The following SLC35F1 variants were observed in gnomAD, a reference collection of about 807,000 sequenced individuals.
The protein encoded by SLC35F1 is chromosome 6 open reading frame 169.
In SLC35F1, 14 loss-of-function variants were observed where a neutral mutation model predicts 48.7. The ratio of observed to expected loss-of-function variants is 0.29; its 90% CI spans 0.19 to 0.45. The LOEUF (loss-of-function observed/expected upper bound fraction) is 0.45. Ranked by LOEUF, SLC35F1 falls within the 20% of genes least tolerant of loss-of-function variation. SLC35F1 has a pLI of 1.00. For synonymous variants in SLC35F1, 190 were observed against 202.2 expected (o/e 0.94, Z 0.51); for missense variants, 404 against 500.0 (o/e 0.81, Z 1.83).
At chr6:118,020,328 T>A (rs970431797) in intron 1 of SLC35F1, among the ~76,000 whole-genome samples, 4 of 152,212 alleles carry the variant, frequency 2.6e-5, no homozygotes, top group African/African-American at 9.6e-5. Context: ...CATACTGTGC[T>A]GTACTTATTA....
chr6:118,243,196 T>C (rs1473873654), intron 3 of SLC35F1, among the ~76,000 whole-genome samples: 2 of 152,230 alleles, frequency 1.3e-5, no homozygotes, highest in Non-Finnish European at 2.9e-5. Flanking sequence ...TCTTAATTAA[T>C]TTCCGTAGGC....
chr6:118,014,095 C>G (rs1405132635), intron 1 of SLC35F1, among the ~76,000 whole-genome samples: 2 of 152,192 alleles, frequency 1.3e-5, no homozygotes, highest in Non-Finnish European at 2.9e-5. Flanking sequence ...TAAGTTATCT[C>G]AGGCAAGTTA....
chr6:117,948,503 T>C (rs570081013), intron 1 of SLC35F1, among the ~76,000 whole-genome samples: 1 of 152,300 alleles, frequency 6.6e-6, no homozygotes, highest in South Asian at 2.1e-4. Flanking sequence ...CTGGTTCTGG[T>C]GGAGGGTCTA....
chr6:118,162,830 A>T (rs1304120492), intron 2 of SLC35F1, among the ~76,000 whole-genome samples: 1 of 152,242 alleles, frequency 6.6e-6, no homozygotes, highest in African/African-American at 2.4e-5. Context: ...CACACATTCC[A>T]TACATAAGCA....
chr6:118,112,087 T>TTTC (rs772972832), intron 1 of SLC35F1, among the ~76,000 whole-genome samples: 627 of 14,172 alleles, frequency 0.044, 14 homozygotes, highest in Middle Eastern at 0.1. Context: ...TATTTCTTTC[T>TTTC]TTTCTTTTCT....
chr6:118,278,378 T>A (rs1042646484), intron 6 of SLC35F1, among the ~76,000 whole-genome samples: 8 of 152,320 alleles, frequency 5.3e-5, no homozygotes, highest in African/African-American at 1.7e-4. Flanking sequence ...CCCCCTTATA[T>A]GACCTTTGAT....
chr6:118,269,769 G>A (rs1331081791), intron 4 of SLC35F1, among the ~76,000 whole-genome samples: 4 of 151,998 alleles, frequency 2.6e-5, no homozygotes, highest in Non-Finnish European at 5.9e-5. Flanking sequence ...ACCAGGCCAG[G>A]CACATTCAGA....
intron 2 of SLC35F1, among the ~76,000 whole-genome samples, chr6:118,201,031 C>T (rs1774867772): frequency 6.6e-6 from 1 of 152,090 alleles, no homozygotes; most frequent in South Asian, 2.1e-4. Context: ...CCCACCTCAG[C>T]CCCCCAAGTA....
At chr6:118,083,653 C>T (rs1371439065) in intron 1 of SLC35F1, among the ~76,000 whole-genome samples, 2 of 152,158 alleles carry the variant, frequency 1.3e-5, no homozygotes, top group African/African-American at 2.4e-5. Flanking sequence ...ACTTTGTTCT[C>T]TGTTGGATGA....
intron 1 of SLC35F1, among the ~76,000 whole-genome samples, chr6:118,119,634 G>C (rs1773527424): frequency 1.3e-5 from 2 of 151,818 alleles, no homozygotes; most frequent in Admixed American, 1.3e-4. Context: ...CTCCTGAGTA[G>C]CTGGGATTAC....
intron 1 of SLC35F1, among the ~76,000 whole-genome samples, chr6:117,911,307 ATAT>A (rs1775758826): frequency 6.6e-6 from 1 of 152,162 alleles, no homozygotes; most frequent in African/African-American, 2.4e-5. Context: ...TACTCCTTTA[ATAT>A]TCAAAATTGT....
chr6:118,143,693 A>C (rs1481410072), intron 1 of SLC35F1, among the ~76,000 whole-genome samples: 1 of 152,186 alleles, frequency 6.6e-6, no homozygotes, highest in Non-Finnish European at 1.5e-5. Context: ...GTAATCACTG[A>C]AAGTGTTGGT....
chr6:118,202,266 A>G (rs191083085), intron 2 of SLC35F1, among the ~76,000 whole-genome samples: 1 of 152,284 alleles, frequency 6.6e-6, no homozygotes, highest in Non-Finnish European at 1.5e-5. Flanking sequence ...AGGCTGATGC[A>G]GGAGGATTGC....
intron 3 of SLC35F1, among the ~76,000 whole-genome samples, chr6:118,241,682 C>T (rs1291904019): frequency 6.6e-6 from 1 of 151,890 alleles, no homozygotes. Flanking sequence ...ACAGAATTAT[C>T]CCATCACCAC....
At chr6:117,994,209 C>G (rs1474969349) in intron 1 of SLC35F1, among the ~76,000 whole-genome samples, 5 of 152,004 alleles carry the variant, frequency 3.3e-5, no homozygotes, top group African/African-American at 4.8e-5. Context: ...ATTGCCCCCC[C>G]CATCCTCAAC....
intron 1 of SLC35F1, among the ~76,000 whole-genome samples, chr6:118,026,523 T>C (rs924977460): frequency 1.3e-5 from 2 of 152,240 alleles, no homozygotes; most frequent in East Asian, 3.9e-4. Flanking sequence ...GGTTCTCTGC[T>C]TAATGCCTTA....
chr6:118,243,733 C>A (rs1223033704), intron 3 of SLC35F1, among the ~76,000 whole-genome samples: 1 of 152,106 alleles, frequency 6.6e-6, no homozygotes. Context: ...TGTGGATGAG[C>A]CAGAGAGAAA....
Position 117,907,794 on chromosome 6 carries a change from T to A in SLC35F1, c.68T>A (p.Val23Glu). The A allele has an allele frequency of 6.4e-7, 1 of 1,558,184 alleles. No individual in the cohort carries two copies. The highest frequency in any genetic ancestry group is 8.6e-7 in the Non-Finnish European group (1 of 1,161,550). The stretch of plus-strand genomic sequence containing the variant: ...TCGCCAGCCCCGCCGAACCATGTGG[T>A]GACCACCATCGAGAACCTGCCGGCC... ...PPSPAPPNHV[V>E]TTIENLPAEG... Residue 23 changes from valine (V) to glutamate (E), a missense_variant, in exon 1 of 8, where the codon GTG (valine) becomes GAG (glutamate). Around this residue, in one of 2 missense-constraint regions of SLC35F1, gnomAD observed 98 missense variants for 81.0 expected, o/e 1.21. Coordinates refer to ENST00000360388, the MANE Select transcript of SLC35F1 (RefSeq NM_001029858.4).
chr6:117,975,882 G>T (rs1273550178), intron 1 of SLC35F1, among the ~76,000 whole-genome samples: 2 of 152,042 alleles, frequency 1.3e-5, no homozygotes, highest in African/African-American at 4.8e-5. Flanking sequence ...CCCTCTTCTG[G>T]AAATTCTGCT....
Sources: gnomAD v4.1 joint callset for allele counts (sites outside exome capture counted in the v4.1 genomes callset) on GRCh38, gnomAD v4.1.1 for gene constraint, gnomAD v4.1.1 regional missense constraint, MANE v1.5 for transcripts, NCBI Gene and HGNC (gene_info 2026-07-23, HGNC 2026-07-21) for gene names.